PTPRR: variants seen among roughly 807,000 people sequenced by gnomAD.
PTPRR encodes the protein receptor-type tyrosine-protein phosphatase R.
PTPRR carries 38 observed loss-of-function variants against 77.2 expected under a neutral mutation model. The observed-to-expected ratio is 0.49, with a 90% CI of 0.38 to 0.65. The LOEUF (loss-of-function observed/expected upper bound fraction) is 0.65. Among genes scored for constraint, PTPRR ranks in the 30% least tolerant of loss-of-function variants. The pLI, the probability that PTPRR is intolerant of heterozygous loss-of-function variation, is 0.00. For synonymous variants in PTPRR, 299 were observed against 283.1 expected, an observed-to-expected ratio of 1.06 and a Z score of -0.57; for missense variants, 744 against 799.2, an observed-to-expected ratio of 0.93 and a Z score of 0.83.
intron 2 of PTPRR, among the ~76,000 whole-genome samples, chr12:70,781,865 G>T (rs1260957839): frequency 6.6e-6 from 1 of 152,084 alleles, no homozygotes; most frequent in African/African-American, 2.4e-5. Context: ...TAAGCTCCCT[G>T]CATTACTGAT....
At chr12:70,681,372 C>T (rs1394705095) in intron 10 of PTPRR, among the ~76,000 whole-genome samples, 4 of 152,214 alleles carry the variant, frequency 2.6e-5, no homozygotes, top group African/African-American at 4.8e-5. Context: ...GGCTGTCAGG[C>T]AGCTCCCTAA....
chr12:70,873,536 A>G (rs4144462), intron 2 of PTPRR, among the ~76,000 whole-genome samples: 2 of 151,894 alleles, frequency 1.3e-5, no homozygotes, highest in Non-Finnish European at 2.9e-5. Context: ...ATTGAAATGA[A>G]CAATGCAACG....
At chr12:70,771,906 TCTAAGATAAA>T (rs1400470790) in intron 2 of PTPRR, among the ~76,000 whole-genome samples, 1 of 152,206 alleles carries the variant, frequency 6.6e-6, no homozygotes, top group African/African-American at 2.4e-5. Context: ...GATGATTTGG[TCTAAGATAAA>T]CAATTCTTAT....
chr12:70,784,367 G>T (rs779265760), intron 2 of PTPRR, among the ~76,000 whole-genome samples: 2 of 152,240 alleles, frequency 1.3e-5, no homozygotes, highest in African/African-American at 4.8e-5. Flanking sequence ...TGGCAGCCTG[G>T]GGTGGGGGCT....
At chr12:70,671,276 GGA>G (rs1887212403) in intron 10 of PTPRR, among the ~76,000 whole-genome samples, 1 of 151,840 alleles carries the variant, frequency 6.6e-6, no homozygotes, top group South Asian at 2.1e-4. Flanking sequence ...TTACGTCTTT[GGA>G]GAGTCTAGAC....
chr12:70,918,858 C>G (rs967834888), intron 1 of PTPRR, among the ~76,000 whole-genome samples: 5 of 152,130 alleles, frequency 3.3e-5, no homozygotes, highest in Non-Finnish European at 7.4e-5. Flanking sequence ...ATGTTTTCAT[C>G]CCACATTTCA....
chr12:70,828,797 C>A (rs74885092), intron 2 of PTPRR, among the ~76,000 whole-genome samples: 1 of 152,292 alleles, frequency 6.6e-6, no homozygotes, highest in Admixed American at 6.5e-5. Flanking sequence ...TCAGAATAAA[C>A]CACTTAATGT....
At chr12:70,727,500 T>C (rs1592709937) in intron 6 of PTPRR, among the ~76,000 whole-genome samples, 1 of 152,312 alleles carries the variant, frequency 6.6e-6, no homozygotes, top group East Asian at 1.9e-4. Flanking sequence ...GAAAAATTCA[T>C]AAAAGAAGCT....
chr12:70,751,006 A>G (rs529234557), intron 5 of PTPRR, among the ~76,000 whole-genome samples: 4 of 149,090 alleles, frequency 2.7e-5, no homozygotes, highest in African/African-American at 1.0e-4. Context: ...TCCCAAGTGC[A>G]GGGATTACAG....
chr12:70,889,816 C>T (rs1319068098), intron 2 of PTPRR, among the ~76,000 whole-genome samples: 1 of 151,916 alleles, frequency 6.6e-6, no homozygotes, highest in Non-Finnish European at 1.5e-5. Flanking sequence ...TTCTCCTTTC[C>T]TTTATTTTTC....
Position 70,766,969 on chromosome 12 carries a change from G to C in PTPRR, c.358-2191C>G, listed in dbSNP as rs186922138. On this transcript the variant is annotated intron_variant, in intron 2 of 13. Transcript: ENST00000283228. ...CTTTACAGACAAGCAAATGCTGAGAGATTTTGTCACCACCAGGCCTGCCCT... is the reference window on the plus strand; with the variant it reads ...CTTTACAGACAAGCAAATGCTGAGACATTTTGTCACCACCAGGCCTGCCCT... Among the ~76,000 whole-genome samples the C allele has an allele frequency of 1.3e-3, 196 of 152,202 alleles. 1 individual carries two copies. The highest frequency in any genetic ancestry group is 4.5e-3 in the African/African-American group (185 of 41,538).
At chr12:70,729,240 AAT>A in intron 6 of PTPRR, among the ~76,000 whole-genome samples, 1 of 152,358 alleles carries the variant, frequency 6.6e-6, no homozygotes, top group East Asian at 1.9e-4. Context: ...AATATATTTA[AAT>A]ATGTTATACA....
chr12:70,795,824 T>C (rs544992291), intron 2 of PTPRR, among the ~76,000 whole-genome samples: 2 of 151,912 alleles, frequency 1.3e-5, no homozygotes, highest in African/African-American at 4.8e-5. Flanking sequence ...TACTGCTCAC[T>C]GTCATGTGTT....
At position 70,777,030 on chromosome 12, in the gene PTPRR, A is replaced by G. The variant is rs78958103; in HGVS notation, c.358-12252T>C. Among the ~76,000 whole-genome samples the G allele has an allele frequency of 6.0e-3, 913 of 152,228 alleles. 12 individuals are homozygous for G. The highest frequency in any genetic ancestry group is 0.021 in the African/African-American group (863 of 41,552). ...ATACTTCCAAATATTTTCTATGTGT[A>G]CATGGTATAAAACAATATGTATATA... On this transcript the variant is annotated intron_variant, in intron 2 of 13. Coordinates refer to ENST00000283228, the MANE Select transcript of PTPRR (RefSeq NM_002849.4).
At chr12:70,757,464 C>T (rs934724834) in intron 4 of PTPRR, among the ~76,000 whole-genome samples, 1 of 152,076 alleles carries the variant, frequency 6.6e-6, no homozygotes, top group African/African-American at 2.4e-5. Flanking sequence ...CTAGTTTTAT[C>T]TATATGAGTG....
At chr12:70,724,867 G>T (rs1889380949) in intron 6 of PTPRR, among the ~76,000 whole-genome samples, 1 of 151,906 alleles carries the variant, frequency 6.6e-6, no homozygotes, top group African/African-American at 2.4e-5. Context: ...CTATTTTGGT[G>T]GTGCAACTGG....
intron 2 of PTPRR, 108 bp downstream of exon 2, chr12:70,892,571 G>A (rs750872529): frequency 1.4e-4 from 176 of 1,293,560 alleles, no homozygotes; most frequent in Non-Finnish European, 1.7e-4. Flanking sequence ...GTACATACCC[G>A]TTGGGATTCA....
intron 1 of PTPRR, among the ~76,000 whole-genome samples, chr12:70,912,664 G>A (rs1374160407): frequency 1.3e-5 from 2 of 152,088 alleles, no homozygotes; most frequent in Non-Finnish European, 2.9e-5. Flanking sequence ...ATTTGATTAT[G>A]AGGAAAGTTT....
intron 2 of PTPRR, chr12:70,788,891 T>C (rs1891375718): frequency 2.0e-6 from 3 of 1,502,842 alleles, no homozygotes; most frequent in South Asian, 2.6e-5. Context: ...TTCCTTACCA[T>C]AGCAAGCAGG....
Sources: allele counts gnomAD v4.1 joint callset (sites outside exome capture counted in the v4.1 genomes callset), GRCh38; gene constraint gnomAD v4.1.1; transcripts MANE v1.5; gene names NCBI Gene and HGNC (gene_info 2026-07-23, HGNC 2026-07-21).